NCOR2: variants seen among roughly 807,000 people sequenced by gnomAD.
The protein encoded by NCOR2 is CTG repeat protein 26.
In NCOR2, 81 loss-of-function variants were observed where a neutral mutation model predicts 262.9. That is an observed-to-expected ratio of 0.31 (90% CI 0.26 to 0.37). The LOEUF is 0.37. Ranked by LOEUF, NCOR2 falls within the 10% of genes least tolerant of loss-of-function variation. The pLI is 1.00. For synonymous variants in NCOR2, 1,659 were observed against 1,559.3 expected, an observed-to-expected ratio of 1.06 and a Z score of -1.51; for missense variants, 3,385 against 3,621.4, an observed-to-expected ratio of 0.93 and a Z score of 1.68.
chr12:124,510,365 C>T (rs187857647), intron 1 of NCOR2, among the ~76,000 whole-genome samples: 66 of 152,362 alleles, frequency 4.3e-4, no homozygotes, highest in Admixed American at 1.4e-3. Flanking sequence ...TCTTCCACGC[C>T]GCTGCCCTGA....
exon 38 of NCOR2, chr12:124,336,793 A>C (rs758351174): frequency 6.2e-7 from 1 of 1,613,288 alleles, no homozygotes; most frequent in East Asian, 2.2e-5. Flanking sequence ...AAAAGGGTTT[A>C]CTTTGAGTCT....
At chr12:124,509,571 C>G (rs979256174) in intron 1 of NCOR2, among the ~76,000 whole-genome samples, 1 of 152,182 alleles carries the variant, frequency 6.6e-6, no homozygotes, top group African/African-American at 2.4e-5. Flanking sequence ...CTCTTCCACC[C>G]GCTAGGTCCC....
chr12:124,407,508 G>A (rs965914396), intron 13 of NCOR2, among the ~76,000 whole-genome samples: 2 of 152,066 alleles, frequency 1.3e-5, no homozygotes, highest in South Asian at 4.1e-4. Flanking sequence ...GGGAGCCCCC[G>A]GGGACCTTTC....
intron 37 of NCOR2, among the ~76,000 whole-genome samples, chr12:124,338,767 A>G (rs1486816589): frequency 1.3e-5 from 2 of 151,916 alleles, no homozygotes; most frequent in African/African-American, 2.4e-5. Flanking sequence ...CACAGATTCT[A>G]TTCTCAAACC....
chr12:124,474,077 C>T (rs898407740), intron 3 of NCOR2, among the ~76,000 whole-genome samples: 17 of 152,220 alleles, frequency 1.1e-4, no homozygotes, highest in African/African-American at 3.9e-4. Context: ...TCTCTTCTTC[C>T]ACTTACCCCA....
At chr12:124,386,191 C>T (rs1542975) in intron 16 of NCOR2, among the ~76,000 whole-genome samples, 30,341 of 152,096 alleles carry the variant, frequency 0.2, 3,463 homozygotes, top group African/African-American at 0.3. Flanking sequence ...CCCACCGAGG[C>T]CACTGCGCGG....
chr12:124,341,293 G>A (rs2036436207), intron 34 of NCOR2, among the ~76,000 whole-genome samples: 2 of 151,690 alleles, frequency 1.3e-5, no homozygotes, highest in South Asian at 4.2e-4. Context: ...AGGCTGGAGT[G>A]CAATGGTAAA....
intron 10 of NCOR2, among the ~76,000 whole-genome samples, chr12:124,428,439 G>T (rs976302807): frequency 4.6e-5 from 7 of 152,220 alleles, no homozygotes; most frequent in Non-Finnish European, 8.8e-5. Context: ...GAATCAAGTG[G>T]GTGGCTGGGT....
Position 124,372,641 on chromosome 12 carries a change from G to C in NCOR2, c.2219-31C>G, listed in dbSNP as rs1041730666. On this transcript the variant is annotated intron_variant, in intron 19 of 46. Transcript: ENST00000405201. ...CAGGGCGAGAAGGAAGAGGGGATGA[G>C]CAGGGTCTGGCGGGGCCTCCAGAAG... The C allele has an allele frequency of 2.5e-6, 4 of 1,572,404 alleles. No homozygotes were observed. In the African/African-American group the frequency reaches 4.0e-5, roughly 16 times the overall value.
chr12:124,403,017 G>T (rs919640657), intron 13 of NCOR2, among the ~76,000 whole-genome samples: 1 of 152,178 alleles, frequency 6.6e-6, no homozygotes, highest in Admixed American at 6.5e-5. Flanking sequence ...ATTTAAGAGG[G>T]GCAGATGTGA....
chr12:124,485,086 C>G (rs2047705527), intron 2 of NCOR2, among the ~76,000 whole-genome samples: 1 of 152,240 alleles, frequency 6.6e-6, no homozygotes, highest in Admixed American at 6.5e-5. Context: ...TTCACCATTA[C>G]ATGGGGCTTG....
At chr12:124,348,903 GCA>G (rs1210248237) in intron 28 of NCOR2, 1 of 156,462 alleles carries the variant, frequency 6.4e-6, no homozygotes, top group Non-Finnish European at 1.4e-5. Flanking sequence ...ATGTGCACTG[GCA>G]CGGGTCTTGT....
intron 16 of NCOR2, among the ~76,000 whole-genome samples, chr12:124,396,798 A>C (rs1387730164): frequency 6.6e-6 from 1 of 152,094 alleles, no homozygotes; most frequent in Non-Finnish European, 1.5e-5. Context: ...CCACAACTAC[A>C]GTGGAGGACG....
rs2137314987 is a variant in NCOR2, at chr12:124,566,825, A to G, written c.-165+483T>C. Among the ~76,000 whole-genome samples the G allele has an allele frequency of 6.6e-6, 1 of 152,278 alleles. No homozygotes were observed. The highest frequency in any genetic ancestry group is 1.9e-4 in the East Asian group (1 of 5,176). The stretch of plus-strand genomic sequence containing the variant: ...GGCTGGCTCTCCCCCTCGGCTGGTG[A>G]GAGACCCTCATGCGCCCCTCCACAA... On this transcript the variant is annotated intron_variant, in intron 1 of 32. Coordinates refer to the NCOR2 transcript ENST00000458234. This position sits in a 1 kb window ranked among gnomAD's most constrained non-coding sequence, Gnocchi z 4.3.
chr12:124,379,214 G>A (rs543732933), intron 17 of NCOR2, among the ~76,000 whole-genome samples: 1 of 152,218 alleles, frequency 6.6e-6, no homozygotes, highest in Admixed American at 6.5e-5. Context: ...GTCCAGGAAT[G>A]GAAAGAAGCC....
chr12:124,341,817 A>G lies in NCOR2; in HGVS notation c.5188+6T>C. 1.3e-6 allele frequency: 2 copies of G among 1,593,896 alleles called. No homozygotes were observed. The highest frequency in any genetic ancestry group is 1.7e-6 in the Non-Finnish European group (2 of 1,172,414). Reference sequence around the variant, plus strand: ...CCCAGCGGAGGTGGTCTGCCCACCCACTCACCTCGGGGACCCGCAGCGTAG... The same window carrying G: ...CCCAGCGGAGGTGGTCTGCCCACCCGCTCACCTCGGGGACCCGCAGCGTAG... On this transcript the variant is annotated splice_donor_region_variant and intron_variant, in intron 34 of 46. Transcript: ENST00000405201.
At chr12:124,341,367 GTA>G (rs2036442108) in intron 34 of NCOR2, among the ~76,000 whole-genome samples, 1 of 152,044 alleles carries the variant, frequency 6.6e-6, no homozygotes, top group Non-Finnish European at 1.5e-5. Context: ...AGCCTAGTGA[GTA>G]GCTGGGACTA....
Position 124,443,168 on chromosome 12 carries a change from G to A in NCOR2, c.816-5172C>T, listed in dbSNP as rs959173349. ...TAAGGCAGCGCTGAGAAGCTAGTCC[G>A]GCGTGTGATCTTCCACAAACCGCGG... On this transcript the variant is annotated intron_variant, in intron 7 of 46. Transcript: ENST00000405201. This position sits in a 1 kb window ranked among gnomAD's most constrained non-coding sequence, Gnocchi z 4.4. Among the ~76,000 whole-genome samples the A allele has an allele frequency of 1.1e-4, 17 of 152,206 alleles. No individual in the cohort carries two copies. Among genetic ancestry groups the A allele is most frequent in the South Asian group, 4.1e-4 (2 of 4,830 alleles).
At chr12:124,398,276 C>T (rs1197066284) in intron 15 of NCOR2, 95 bp from the exon 18 acceptor site, 11 of 1,377,678 alleles carry the variant, frequency 8.0e-6, no homozygotes, top group Non-Finnish European at 1.1e-5. Flanking sequence ...AGGGAGTAGA[C>T]CAGGCCTTGA....
Sources: gnomAD v4.1 joint callset for allele counts (sites outside exome capture counted in the v4.1 genomes callset) on GRCh38, gnomAD v4.1.1 for gene constraint, Gnocchi (gnomAD v3.1) non-coding constraint, MANE v1.5 for transcripts, NCBI Gene and HGNC (gene_info 2026-07-23, HGNC 2026-07-21) for gene names.